Variants in EXT1 observed in about 807,000 individuals in gnomAD.
EXT1 encodes the protein exostosin glycosyltransferase 1, also known as exostosin-1.
Under a neutral mutation model 82.5 loss-of-function variants are expected in EXT1, and 20 were observed. The observed-to-expected ratio is 0.24, with a 90% CI of 0.17 to 0.35. The LOEUF (loss-of-function observed/expected upper bound fraction) is 0.35, where lower values mean the gene tolerates loss of function less well. Among genes scored for constraint, EXT1 ranks in the 10% least tolerant of loss-of-function variants. EXT1 has a pLI of 1.00. For synonymous variants in EXT1, 348 were observed against 350.8 expected, an observed-to-expected ratio of 0.99 and a Z score of 0.09; for missense variants, 757 against 936.5, an observed-to-expected ratio of 0.81 and a Z score of 2.50.
chr8:117,862,863 C>T (rs1473758339), intron 1 of EXT1, among the ~76,000 whole-genome samples: 1 of 144,524 alleles, frequency 6.9e-6, no homozygotes, highest in Non-Finnish European at 1.6e-5. Context: ...AGCCAGCTCC[C>T]TAAAGGGAGC....
intron 1 of EXT1, among the ~76,000 whole-genome samples, chr8:117,871,977 T>A: frequency 6.6e-6 from 1 of 151,754 alleles, no homozygotes; most frequent in East Asian, 1.9e-4. Context: ...ATAAAAAAAA[T>A]AATAATTAGC....
At chr8:118,096,628 AAG>A (rs1197078058) in intron 1 of EXT1, among the ~76,000 whole-genome samples, 1 of 17,140 alleles carries the variant, frequency 5.8e-5, no homozygotes, top group African/African-American at 1.1e-4. Flanking sequence ...AGGAGGAAGG[AAG>A]GAAGGAAGGA....
At chr8:118,015,462 G>GA (rs952819417) in intron 1 of EXT1, among the ~76,000 whole-genome samples, 8 of 151,718 alleles carry the variant, frequency 5.3e-5, no homozygotes, top group Non-Finnish European at 2.9e-5. Flanking sequence ...TAATAATTTG[G>GA]AAAAAAAATT....
chr8:117,893,212 C>T (rs764220029), intron 1 of EXT1, among the ~76,000 whole-genome samples: 3 of 152,190 alleles, frequency 2.0e-5, no homozygotes, highest in South Asian at 2.1e-4. Flanking sequence ...GAAATATCCA[C>T]GATATGCCAT....
At chr8:117,889,640 T>C (rs748258662) in intron 1 of EXT1, among the ~76,000 whole-genome samples, 27 of 152,196 alleles carry the variant, frequency 1.8e-4, no homozygotes, top group Non-Finnish European at 2.5e-4. Flanking sequence ...TCAGCATGGC[T>C]ATACACAGAA....
intron 1 of EXT1, among the ~76,000 whole-genome samples, chr8:117,894,314 C>T (rs368380281): frequency 2.0e-5 from 3 of 152,206 alleles, no homozygotes; most frequent in East Asian, 3.9e-4. Context: ...GCTGAGATTA[C>T]AGGTGTGTTT....
intron 1 of EXT1, among the ~76,000 whole-genome samples, chr8:118,006,511 C>G (rs756151529): frequency 3.9e-5 from 6 of 152,160 alleles, no homozygotes; most frequent in Non-Finnish European, 8.8e-5. Context: ...CTATAATACT[C>G]TACCTATCTC....
intron 1 of EXT1, among the ~76,000 whole-genome samples, chr8:117,876,767 A>G (rs1363826602): frequency 6.6e-6 from 1 of 152,210 alleles, no homozygotes; most frequent in Non-Finnish European, 1.5e-5. Flanking sequence ...ACTAGTCACT[A>G]GTGATTGGAG....
At chr8:117,800,212 A>G (rs1823145874) in intron 10 of EXT1, among the ~76,000 whole-genome samples, 1 of 152,214 alleles carries the variant, frequency 6.6e-6, no homozygotes, top group Admixed American at 6.5e-5. Context: ...CAGTGACTCA[A>G]TCTAAAACCT....
At chr8:118,026,248 C>A (rs1816199955) in intron 1 of EXT1, among the ~76,000 whole-genome samples, 1 of 152,172 alleles carries the variant, frequency 6.6e-6, no homozygotes, top group Non-Finnish European at 1.5e-5. Flanking sequence ...AATGTAAGGG[C>A]TGGCTAAGGT....
At chr8:117,916,981 A>G (rs1018089167) in intron 1 of EXT1, among the ~76,000 whole-genome samples, 2 of 152,208 alleles carry the variant, frequency 1.3e-5, no homozygotes, top group Admixed American at 6.5e-5. Context: ...AGAAGGTAAT[A>G]GATAAGAAGA....
chr8:118,062,533 T>C (rs1816899743), intron 1 of EXT1, among the ~76,000 whole-genome samples: 1 of 152,144 alleles, frequency 6.6e-6, no homozygotes, highest in African/African-American at 2.4e-5. Flanking sequence ...ATCACCAGCT[T>C]GTGAAAAGAC....
At chr8:118,101,263 A>T (rs775468476) in intron 1 of EXT1, among the ~76,000 whole-genome samples, 17 of 152,338 alleles carry the variant, frequency 1.1e-4, no homozygotes, top group Admixed American at 2.6e-4. Flanking sequence ...TTGGGGGATC[A>T]GCTACTGTTA....
intron 1 of EXT1, among the ~76,000 whole-genome samples, chr8:118,097,160 G>A (rs544469567): frequency 4.0e-4 from 61 of 152,098 alleles, no homozygotes; most frequent in African/African-American, 1.3e-3. Flanking sequence ...CTGGAACTTC[G>A]GCCGGCTGGG....
intron 1 of EXT1, among the ~76,000 whole-genome samples, chr8:118,039,421 C>G (rs1404197784): frequency 6.6e-6 from 1 of 151,396 alleles, no homozygotes; most frequent in African/African-American, 2.4e-5. Context: ...TTGGCTGGGC[C>G]TAAGGGTGCA....
chr8:117,974,809 C>T (rs1176448214), intron 1 of EXT1, among the ~76,000 whole-genome samples: 2 of 152,120 alleles, frequency 1.3e-5, no homozygotes, highest in Non-Finnish European at 1.5e-5. Flanking sequence ...TCTCAGATAA[C>T]CCTTGTTTCC....
chr8:117,903,057 A>C (rs925111756), intron 1 of EXT1, among the ~76,000 whole-genome samples: 4 of 151,932 alleles, frequency 2.6e-5, no homozygotes, highest in Non-Finnish European at 5.9e-5. Context: ...TCATTCATTC[A>C]CTCCATCTGT....
chr8:117,973,704 A>G (rs1670122918), intron 1 of EXT1, among the ~76,000 whole-genome samples: 1 of 151,650 alleles, frequency 6.6e-6, no homozygotes, highest in South Asian at 2.1e-4. Flanking sequence ...GTAGGTCAAG[A>G]CTGCACTAAG....
intron 1 of EXT1, among the ~76,000 whole-genome samples, chr8:118,096,643 GA>G (rs1445806154): frequency 3.1e-5 from 1 of 32,332 alleles, no homozygotes; most frequent in South Asian, 1.3e-3. Context: ...AGGAAGGAAG[GA>G]AGGAAGGAAG....
Sources: allele counts gnomAD v4.1 joint callset (sites outside exome capture counted in the v4.1 genomes callset), GRCh38; gene constraint gnomAD v4.1.1; transcripts MANE v1.5; gene names NCBI Gene and HGNC (gene_info 2026-07-23, HGNC 2026-07-21).